COMMD1: variants seen among roughly 807,000 people sequenced by gnomAD.
COMMD1 encodes COMM domain-containing protein 1.
In COMMD1, 10 loss-of-function variants were observed where a neutral mutation model predicts 17.2. The observed-to-expected ratio is 0.58, with a 90% CI of 0.36 to 0.99. COMMD1 has a LOEUF of 0.99. COMMD1 is among the 50% of genes least tolerant of loss of function. The probability of loss-of-function intolerance (pLI) is 0.01; values close to 1 mark genes in which losing one functional copy is unlikely to be tolerated. For missense variants in COMMD1, 270 were observed against 231.8 expected, an observed-to-expected ratio of 1.17 and a Z score of -1.07; for synonymous variants, 97 against 91.6, an observed-to-expected ratio of 1.06 and a Z score of -0.34.
intron 1 of COMMD1, among the ~76,000 whole-genome samples, chr2:61,943,447 G>C (rs1670806765): frequency 6.6e-6 from 1 of 152,142 alleles, no homozygotes; most frequent in South Asian, 2.1e-4. Context: ...GGTTGTGGGT[G>C]GGACTCCATA....
intron 1 of COMMD1, among the ~76,000 whole-genome samples, chr2:61,982,912 C>T (rs371550836): frequency 7.2e-5 from 11 of 152,110 alleles, no homozygotes; most frequent in East Asian, 5.8e-4. Context: ...TTATTGAATT[C>T]GGTTTACTGG....
intron 1 of COMMD1, among the ~76,000 whole-genome samples, chr2:61,954,036 C>T (rs1042113759): frequency 2.0e-5 from 3 of 151,870 alleles, no homozygotes; most frequent in African/African-American, 2.4e-5. Flanking sequence ...TGGCCAACAT[C>T]GTGAAACCCC....
chr2:62,016,533 C>G (rs1364246555), intron 2 of COMMD1, among the ~76,000 whole-genome samples: 1 of 149,792 alleles, frequency 6.7e-6, no homozygotes, highest in Non-Finnish European at 1.5e-5. Flanking sequence ...TTTCCTACAC[C>G]AAACACCTGA....
At chr2:61,965,461 G>A (rs1671481617) in intron 1 of COMMD1, among the ~76,000 whole-genome samples, 1 of 152,192 alleles carries the variant, frequency 6.6e-6, no homozygotes, top group South Asian at 2.1e-4. Context: ...AGAGAAAGTC[G>A]TAGATGTCAT....
intron 1 of COMMD1, among the ~76,000 whole-genome samples, chr2:61,909,294 CAAAT>C (rs1669846870): frequency 6.6e-6 from 1 of 152,128 alleles, no homozygotes; most frequent in African/African-American, 2.4e-5. Flanking sequence ...GGAACATACA[CAAAT>C]AAGCATGATG....
intron 2 of COMMD1, among the ~76,000 whole-genome samples, chr2:62,097,272 C>T (rs1672038828): frequency 1.3e-5 from 2 of 152,184 alleles, no homozygotes; most frequent in African/African-American, 2.4e-5. Context: ...AGTCCTTTGT[C>T]TAAATCGTCC....
Position 61,999,656 on chromosome 2 carries a change from T to A in COMMD1, c.181-1045T>A, listed in dbSNP as rs535744665. On this transcript the variant is annotated intron_variant, in intron 1 of 2. Transcript: ENST00000311832. The stretch of plus-strand genomic sequence containing the variant: ...GTTGCCCAGGCTGGACTCGAACTCC[T>A]GGGCTCCAGCTGTCCTCCTGCCTCA... Among the ~76,000 whole-genome samples the A allele has an allele frequency of 5.1e-4, 78 of 152,204 alleles. 1 individual carries two copies. Among genetic ancestry groups the A allele is most frequent in the African/African-American group, 1.8e-3 (74 of 41,550 alleles).
chr2:62,041,504 C>T (rs1670197947), intron 2 of COMMD1, among the ~76,000 whole-genome samples: 1 of 152,098 alleles, frequency 6.6e-6, no homozygotes, highest in African/African-American at 2.4e-5. Context: ...CTTCCAGGCC[C>T]AAGCAATCCT....
intron 2 of COMMD1, among the ~76,000 whole-genome samples, chr2:62,110,854 A>T (rs903706304): frequency 1.3e-5 from 2 of 152,234 alleles, no homozygotes; most frequent in Admixed American, 6.5e-5. Flanking sequence ...TCTTGTATAT[A>T]TGAGAAATAA....
At chr2:61,895,118 A>T (rs772823219) in intron 1 of COMMD1, among the ~76,000 whole-genome samples, 3 of 152,228 alleles carry the variant, frequency 2.0e-5, no homozygotes, top group African/African-American at 7.2e-5. Context: ...AACAATGAAG[A>T]TGAAAGGGTA....
chr2:62,042,465 C>T (rs981159007), intron 2 of COMMD1, among the ~76,000 whole-genome samples: 41 of 152,300 alleles, frequency 2.7e-4, no homozygotes, highest in Middle Eastern at 3.4e-3. Context: ...CTGGGCACTC[C>T]GGCAACCCAG....
At chr2:62,043,534 A>G (rs558652283) in intron 2 of COMMD1, among the ~76,000 whole-genome samples, 15 of 152,328 alleles carry the variant, frequency 9.8e-5, no homozygotes, top group Non-Finnish European at 2.2e-4. Context: ...GGTGCCATAC[A>G]TAAACTTGTC....
At chr2:62,110,162 C>T (rs1024100287) in intron 2 of COMMD1, among the ~76,000 whole-genome samples, 2 of 152,048 alleles carry the variant, frequency 1.3e-5, no homozygotes, top group Non-Finnish European at 2.9e-5. Context: ...GCAGCCTTGA[C>T]CTCCTGGGGT....
At chr2:61,925,044 T>G (rs533858464) in intron 1 of COMMD1, among the ~76,000 whole-genome samples, 1 of 152,062 alleles carries the variant, frequency 6.6e-6, no homozygotes, top group Non-Finnish European at 1.5e-5. Flanking sequence ...AAGGCAACAG[T>G]CTCTTCACTC....
intron 1 of COMMD1, among the ~76,000 whole-genome samples, chr2:61,977,619 G>T (rs1671840395): frequency 6.6e-6 from 1 of 151,976 alleles, no homozygotes; most frequent in South Asian, 2.1e-4. Flanking sequence ...TTTTGTAGAA[G>T]TATTTCCATT....
At chr2:62,130,270 CTTTT>C (rs752361308) in intron 2 of COMMD1, among the ~76,000 whole-genome samples, 1 of 141,884 alleles carries the variant, frequency 7.0e-6, no homozygotes, top group South Asian at 2.2e-4. Context: ...CTTTATGTGA[CTTTT>C]TTTTTTTTTT....
chr2:61,964,600 C>T (rs921620172), intron 1 of COMMD1, among the ~76,000 whole-genome samples: 4 of 148,890 alleles, frequency 2.7e-5, no homozygotes, highest in African/African-American at 7.4e-5. Context: ...TTTGGGAGGC[C>T]GAGGTGGGCA....
chr2:61,944,462 A>C (rs1053079003), intron 1 of COMMD1, among the ~76,000 whole-genome samples: 1 of 152,054 alleles, frequency 6.6e-6, no homozygotes, highest in East Asian at 1.9e-4. Context: ...AAAAAAAAGA[A>C]AAAAATATAA....
In COMMD1 at chr2:61,959,881, G is replaced by A. The variant is rs143684146; in HGVS notation, c.181-40820G>A. On this transcript the variant is annotated intron_variant, in intron 1 of 2. Transcript: ENST00000311832. ...AACCTGACACGTCTACCCTACTGCT[G>A]TGTCCAGTTTCCATTGGCTGGAATA... Among the ~76,000 whole-genome samples the A allele has an allele frequency of 5.7e-3, 869 of 152,340 alleles. 50 individuals are homozygous for A. The East Asian group carries it at 0.13, about 24-fold the overall frequency.
Sources: allele counts gnomAD v4.1 joint callset (sites outside exome capture counted in the v4.1 genomes callset), GRCh38; gene constraint gnomAD v4.1.1; transcripts MANE v1.5; gene names NCBI Gene and HGNC (gene_info 2026-07-23, HGNC 2026-07-21).